Variants in TNRC6A observed in about 807,000 individuals in gnomAD.
The protein encoded by TNRC6A is trinucleotide repeat-containing gene 6A protein.
In TNRC6A, 44 loss-of-function variants were observed where a neutral mutation model predicts 221.2. The observed-to-expected ratio is 0.20, with a 90% CI of 0.16 to 0.26. TNRC6A has a LOEUF of 0.26. Among genes scored for constraint, TNRC6A ranks in the 10% least tolerant of loss-of-function variants. TNRC6A has a pLI of 1.00. For missense variants in TNRC6A, 2,199 were observed against 2,404.4 expected (o/e 0.91, Z 1.79); for synonymous variants, 847 against 838.5 (o/e 1.01, Z -0.18).
At chr16:24,781,451 G>A (rs1199472218) in intron 5 of TNRC6A, among the ~76,000 whole-genome samples, 1 of 152,072 alleles carries the variant, frequency 6.6e-6, no homozygotes, top group African/African-American at 2.4e-5. Context: ...AGTCTTTAAT[G>A]TATTACATCA....
intron 1 of TNRC6A, 57 bp from the exon 2 acceptor site, chr16:24,730,196 A>T: frequency 1.6e-6 from 2 of 1,275,306 alleles, no homozygotes; most frequent in African/African-American, 3.2e-5. Context: ...TTTCACGCGC[A>T]TCTCGTTTTT....
intron 2 of TNRC6A, among the ~76,000 whole-genome samples, chr16:24,647,431 C>T (rs1384914633): frequency 6.6e-6 from 1 of 152,118 alleles, no homozygotes; most frequent in African/African-American, 2.4e-5. Flanking sequence ...GGTTTTTGCT[C>T]AACATTTTAT....
chr16:24,732,145 G>A, intron 2 of TNRC6A, among the ~76,000 whole-genome samples: 1 of 152,208 alleles, frequency 6.6e-6, no homozygotes, highest in East Asian at 1.9e-4. Flanking sequence ...TGTGTACTAA[G>A]GATCCAATGA....
At chr16:24,798,333 T>TG (rs942900620) in intron 11 of TNRC6A, among the ~76,000 whole-genome samples, 1 of 152,148 alleles carries the variant, frequency 6.6e-6, no homozygotes, top group Non-Finnish European at 1.5e-5. Flanking sequence ...AAAACAGTTT[T>TG]GGTGGGGGCA....
In TNRC6A at chr16:24,740,505, G is replaced by A. The variant is rs564242766; in HGVS notation, c.53+10205G>A. 9.9e-5 allele frequency among the ~76,000 whole-genome samples: 15 copies of A among 152,210 alleles called. No individual in the cohort carries two copies. In the South Asian group the frequency reaches 2.9e-3, roughly 29 times the overall value. ...AAAGATGTTGTGTAGTTTTCAGTGTGTAATCATGCTTCTTTTGTGGAATTT... is the reference window on the plus strand; with the variant it reads ...AAAGATGTTGTGTAGTTTTCAGTGTATAATCATGCTTCTTTTGTGGAATTT... On this transcript the variant is annotated intron_variant, in intron 2 of 24. Coordinates refer to ENST00000395799, the MANE Select transcript of TNRC6A (RefSeq NM_014494.4).
intron 1 of TNRC6A, among the ~76,000 whole-genome samples, chr16:24,636,888 T>A (rs979291512): frequency 6.6e-6 from 1 of 152,194 alleles, no homozygotes; most frequent in Non-Finnish European, 1.5e-5. Flanking sequence ...CTTGAAAAAG[T>A]TATTTGTAAG....
Position 24,791,058 on chromosome 16 carries a change from G to T in TNRC6A, c.2416G>T (p.Asp806Tyr), listed in dbSNP as rs777667669. The T allele has an allele frequency of 2.5e-6, 4 of 1,600,108 alleles. No individual in the cohort carries two copies. The Admixed American group carries it at 6.7e-5, about 27-fold the overall frequency. Residue 806 changes from aspartate to tyrosine, a missense_variant, in exon 6 of 25, where the codon GAT becomes TAT. By Grantham distance (160) the Asp-to-Tyr change is radical. Around this residue, in one of 8 missense-constraint regions of TNRC6A, gnomAD observed 1,405 missense variants for 1,400.2 expected, o/e 1.00. Coordinates refer to ENST00000395799, the MANE Select transcript of TNRC6A (RefSeq NM_014494.4). ...CTCAAACTGCCAGGGGGGGTGGGAAGATGATTCTGCTGCTACAGGAATGGT... is the reference window on the plus strand; with the variant it reads ...CTCAAACTGCCAGGGGGGGTGGGAATATGATTCTGCTGCTACAGGAATGGT... ...KGSNCQGGWE[D>Y]DSAATGMVKS... is the part of the protein sequence containing the mutation.
chr16:24,616,704 G>A (rs547310794), intron 1 of TNRC6A, among the ~76,000 whole-genome samples: 28 of 152,228 alleles, frequency 1.8e-4, no homozygotes, highest in African/African-American at 4.3e-4. Context: ...GCTGAGAGGC[G>A]GGTGGATCAC....
intron 5 of TNRC6A, among the ~76,000 whole-genome samples, chr16:24,787,156 G>A (rs1165971399): frequency 6.6e-6 from 1 of 152,150 alleles, no homozygotes; most frequent in Non-Finnish European, 1.5e-5. Flanking sequence ...CTTATTTGCA[G>A]CCAGCACTGA....
chr16:24,748,036 C>T lies in TNRC6A; in HGVS notation c.54-2690C>T, dbSNP rs577326173. Among the ~76,000 whole-genome samples the T allele has an allele frequency of 4.6e-5, 7 of 152,214 alleles. No homozygotes were observed. The South Asian group carries it at 8.3e-4, about 18-fold the overall frequency. On this transcript the variant is annotated intron_variant, in intron 2 of 24. Transcript: ENST00000395799. ...TGAATAAGTACCTGTGCTATTTTGA[C>T]ACAAGAAGGGTAAAGACAGCCTTTT... is the stretch of plus-strand genomic sequence containing the variant.
chr16:24,711,354 A>C (rs1228986280), intron 2 of TNRC6A, among the ~76,000 whole-genome samples: 1 of 152,086 alleles, frequency 6.6e-6, no homozygotes, highest in Non-Finnish European at 1.5e-5. Context: ...ACATATTTAA[A>C]GTGTGTAATT....
In TNRC6A at chr16:24,791,434, C is replaced by G; in HGVS notation, c.2792C>G (p.Ser931Cys). The G allele has an allele frequency of 6.5e-7, 1 of 1,541,020 alleles. No individual in the cohort carries two copies. Among genetic ancestry groups the G allele is most frequent in the Non-Finnish European group, 8.7e-7 (1 of 1,147,178 alleles). Residue 931 changes from serine to cysteine, a missense_variant, in exon 6 of 25, where the codon TCT becomes TGT. Physicochemically the swap from Ser to Cys is moderately radical, Grantham distance 112 (BLOSUM62 -1). Coordinates refer to ENST00000395799, the MANE Select transcript of TNRC6A (RefSeq NM_014494.4). The stretch of plus-strand genomic sequence containing the variant: ...GGAGACCCTCCAAAGTCTAATCAGT[C>G]TCTAGGTTGGGGAGATTCGTCAAAG... The part of the protein sequence containing the change: ...GWGDPPKSNQ[S>C]LGWGDSSKPV...
intron 2 of TNRC6A, among the ~76,000 whole-genome samples, chr16:24,645,834 CAAAAAAA>C (rs36106864): frequency 0.016 from 413 of 26,602 alleles, 1 homozygote; most frequent in South Asian, 0.028. Flanking sequence ...CCTGTATCTA[CAAAAAAA>C]AAAAAAAAAA....
At chr16:24,776,482 C>T (rs1439449742) in intron 4 of TNRC6A, 1 of 985,320 alleles carries the variant, frequency 1.0e-6, no homozygotes, top group Non-Finnish European at 1.2e-6. Context: ...GTGTTGTCTT[C>T]CAAAGATGAA....
Position 24,823,145 on chromosome 16 carries a change from G to C in TNRC6A, c.5513+132G>C. 1 of 1,298,616 alleles carries C rather than the reference G, an allele frequency of 7.7e-7. No individual in the cohort carries two copies. 80.4% of individuals were successfully genotyped at this position (1,298,616 alleles called of 1,614,324 possible). A position where few individuals can be genotyped will look rare whatever the true frequency, so the allele number is the denominator to read the frequency against. On this transcript the variant is annotated intron_variant, in intron 24 of 24. Coordinates refer to ENST00000395799, the MANE Select transcript of TNRC6A (RefSeq NM_014494.4). This position sits in a 1 kb window ranked among gnomAD's most constrained non-coding sequence, Gnocchi z 4.3. ...GGCTGCAGTAGTGCCCTGATTCCAA[G>C]GTCGGCATTCCTAAGCGGGGAATCA...
Position 24,809,429 on chromosome 16 carries a change from A to G in TNRC6A, c.4620A>G (p.Thr1540=), listed in dbSNP as rs1192438181. The change falls in exon 18 of 25, where the codon ACA becomes ACG. Residue 1540 remains threonine, a synonymous_variant. Transcript: ENST00000395799. ...AGTCAAGACTAAGGAAGTGGACGAC[A>G]GTGGACAGCATTTCTGTGAACACAT... The part of the protein sequence containing the change: ...EPQSRLRKWT[T]VDSISVNTSL... The G allele has an allele frequency of 3.7e-6, 6 of 1,601,618 alleles. No individual in the cohort carries two copies. Among genetic ancestry groups the G allele is most frequent in the Non-Finnish European group, 5.1e-6 (6 of 1,172,460 alleles).
intron 2 of TNRC6A, among the ~76,000 whole-genome samples, chr16:24,701,453 A>G (rs1038321907): frequency 6.7e-6 from 1 of 148,506 alleles, no homozygotes; most frequent in Admixed American, 6.9e-5. Flanking sequence ...TGCAACCTCC[A>G]TCTTCTGGGT....
intron 2 of TNRC6A, among the ~76,000 whole-genome samples, chr16:24,716,623 C>T (rs537170152): frequency 6.6e-6 from 1 of 152,120 alleles, no homozygotes; most frequent in East Asian, 1.9e-4. Context: ...CATGTTCACG[C>T]CACTGCATTC....
intron 8 of TNRC6A, 93 bp from the exon 9 acceptor site, chr16:24,795,814 C>CA (rs1272293157): frequency 1.6e-6 from 2 of 1,261,482 alleles, no homozygotes; most frequent in Non-Finnish European, 2.2e-6. Context: ...TAGTAAGCGA[C>CA]AGAGTAAGGA....
Sources: allele counts gnomAD v4.1 joint callset (sites outside exome capture counted in the v4.1 genomes callset), GRCh38; gene constraint gnomAD v4.1.1; regional missense constraint gnomAD v4.1.1; non-coding constraint Gnocchi (gnomAD v3.1); transcripts MANE v1.5; gene names NCBI Gene and HGNC (gene_info 2026-07-23, HGNC 2026-07-21).